The following HBS1L variants were observed in gnomAD, a reference collection of about 807,000 sequenced individuals.
HBS1L encodes the protein HBS1 like translational GTPase, also known as HBS1-like protein.
In HBS1L, 55 loss-of-function variants were observed where a neutral mutation model predicts 88.9. The observed-to-expected ratio is 0.62, with a 90% CI of 0.50 to 0.77. HBS1L has a LOEUF of 0.77. Among genes scored for constraint, HBS1L ranks in the 30% least tolerant of loss-of-function variants. The pLI, the probability that HBS1L is intolerant of heterozygous loss-of-function variation, is 0.00. For synonymous variants in HBS1L, 267 were observed against 288.5 expected (o/e 0.93, Z 0.76); for missense variants, 741 against 829.3 (o/e 0.89, Z 1.31).
chr6:134,971,380 A>G (rs948720342), intron 15 of HBS1L, among the ~76,000 whole-genome samples: 1 of 152,226 alleles, frequency 6.6e-6, no homozygotes, highest in Non-Finnish European at 1.5e-5. Flanking sequence ...ACTGAGGTAA[A>G]CAAGCAGGAT....
chr6:135,027,181 C>A (rs1776251795), intron 4 of HBS1L: 2 of 83,338 alleles, frequency 2.4e-5, no homozygotes, highest in South Asian at 4.7e-4. Context: ...GACAGAGACT[C>A]TATCTCAAAA....
At chr6:134,974,712 C>T (rs987168653) in intron 15 of HBS1L, among the ~76,000 whole-genome samples, 3 of 150,990 alleles carry the variant, frequency 2.0e-5, no homozygotes, top group East Asian at 1.9e-4. Context: ...AATCCAGGAT[C>T]CCTTAATGAT....
intron 4 of HBS1L, chr6:135,037,057 G>C: frequency 1.3e-6 from 2 of 1,551,698 alleles, no homozygotes; most frequent in Non-Finnish European, 1.7e-6. Flanking sequence ...CTTAATCTGA[G>C]AGTTGTCTAC....
At chr6:135,019,063 TATA>T (rs1335856732) in intron 4 of HBS1L, among the ~76,000 whole-genome samples, 1 of 151,948 alleles carries the variant, frequency 6.6e-6, no homozygotes, top group African/African-American at 2.4e-5. Flanking sequence ...CAAGAAATGC[TATA>T]ATGACTTAAT....
At chr6:134,984,950 A>G (rs906898250) in intron 12 of HBS1L, among the ~76,000 whole-genome samples, 1 of 152,170 alleles carries the variant, frequency 6.6e-6, no homozygotes, top group African/African-American at 2.4e-5. Flanking sequence ...GAGAAAGAAC[A>G]ATACAACAGG....
At chr6:134,987,552 A>T (rs1388225354) in intron 9 of HBS1L, 93 bp downstream of exon 9, 6 of 864,766 alleles carry the variant, frequency 6.9e-6, no homozygotes, top group Non-Finnish European at 9.7e-6. Flanking sequence ...ACCGACTAAT[A>T]AAATGTACAC....
intron 1 of HBS1L, among the ~76,000 whole-genome samples, chr6:135,051,549 G>T (rs936172162): frequency 6.6e-6 from 1 of 151,924 alleles, no homozygotes; most frequent in Non-Finnish European, 1.5e-5. Flanking sequence ...CAGCTCAAAT[G>T]TCTCCTCTTT....
At chr6:135,044,096 G>A (rs1354371020) in intron 2 of HBS1L, among the ~76,000 whole-genome samples, 1 of 152,114 alleles carries the variant, frequency 6.6e-6, no homozygotes, top group Non-Finnish European at 1.5e-5. Context: ...CAAGGTCTGT[G>A]AGCATTGTGC....
In HBS1L at chr6:135,029,742, T is replaced by C. The variant is rs567495565; in HGVS notation, c.430+9831A>G. On this transcript the variant is annotated intron_variant, in intron 4 of 17. Coordinates refer to ENST00000367837, the MANE Select transcript of HBS1L (RefSeq NM_006620.4). ...CTGGAACACTTAAAATGTTCATCAA[T>C]AGAGGCTGTTTAAATAAATTATGGT... 2.0e-3 allele frequency among the ~76,000 whole-genome samples: 311 copies of C among 152,292 alleles called. 1 individual carries two copies. Among genetic ancestry groups the C allele is most frequent in the African/African-American group, 7.3e-3 (305 of 41,576 alleles).
At chr6:135,016,863 T>C (rs1056248740) in intron 4 of HBS1L, among the ~76,000 whole-genome samples, 1 of 152,206 alleles carries the variant, frequency 6.6e-6, no homozygotes, top group African/African-American at 2.4e-5. Flanking sequence ...ACCCAGTGAT[T>C]CTCAGCTTGG....
intron 9 of HBS1L, among the ~76,000 whole-genome samples, chr6:134,987,422 A>T (rs370496415): frequency 1.3e-5 from 2 of 152,162 alleles, no homozygotes; most frequent in Non-Finnish European, 2.9e-5. Context: ...TATAATTTAA[A>T]ACAATTTTTA....
At chr6:134,998,966 A>T (rs1775368702) in intron 5 of HBS1L, among the ~76,000 whole-genome samples, 1 of 152,236 alleles carries the variant, frequency 6.6e-6, no homozygotes, top group African/African-American at 2.4e-5. Context: ...AGGCTAAATT[A>T]AGTGAAATCA....
chr6:135,027,585 T>C (rs996255104), intron 4 of HBS1L, among the ~76,000 whole-genome samples: 2 of 152,170 alleles, frequency 1.3e-5, no homozygotes, highest in Non-Finnish European at 2.9e-5. Flanking sequence ...GAATGATGAA[T>C]ATCAACTTTA....
chr6:134,971,390 T>C (rs1279301210), intron 15 of HBS1L, among the ~76,000 whole-genome samples: 4 of 152,180 alleles, frequency 2.6e-5, no homozygotes, highest in Non-Finnish European at 5.9e-5. Context: ...ACAAGCAGGA[T>C]TCACTTCGCT....
At chr6:134,991,170 G>GA (rs34360561) in intron 8 of HBS1L, among the ~76,000 whole-genome samples, 47,753 of 152,012 alleles carry the variant, frequency 0.31, 7,889 homozygotes, top group Non-Finnish European at 0.37. Context: ...ATCAGTGAGG[G>GA]ATTGGTTCCA....
intron 10 of HBS1L, 43 bp from the exon 11 acceptor site, chr6:134,986,226 T>C (rs1323875938): frequency 9.2e-6 from 9 of 978,162 alleles, no homozygotes; most frequent in Middle Eastern, 2.1e-4. Context: ...CAACATTTTT[T>C]AAAACATTAA....
chr6:135,024,222 C>T (rs1195138707), intron 4 of HBS1L, among the ~76,000 whole-genome samples: 8 of 152,008 alleles, frequency 5.3e-5, no homozygotes, highest in South Asian at 4.1e-4. Flanking sequence ...GGGCGGATCA[C>T]GAGGTCAGGA....
At chr6:134,996,357 AT>A (rs999178705) in intron 7 of HBS1L, among the ~76,000 whole-genome samples, 14 of 152,174 alleles carry the variant, frequency 9.2e-5, no homozygotes, top group African/African-American at 3.4e-4. Flanking sequence ...GGTTATTTAG[AT>A]TCTACACAGA....
chr6:135,036,674 C>A (rs1195393247), intron 4 of HBS1L: 1 of 1,551,178 alleles, frequency 6.4e-7, no homozygotes, highest in South Asian at 1.2e-5. Flanking sequence ...TCCTTTACAT[C>A]TTGAACTTGT....
Sources: gnomAD v4.1 joint callset for allele counts (sites outside exome capture counted in the v4.1 genomes callset) on GRCh38, gnomAD v4.1.1 for gene constraint, MANE v1.5 for transcripts, NCBI Gene and HGNC (gene_info 2026-07-23, HGNC 2026-07-21) for gene names.